LYPD6B: variants seen among roughly 807,000 people sequenced by gnomAD.
The protein encoded by LYPD6B is LY6/PLAUR domain containing 6B, also known as ly6/PLAUR domain-containing protein 6B.
A neutral mutation model predicts 22.8 loss-of-function variants in LYPD6B; 17 were observed. The observed-to-expected ratio is 0.75, with a 90% confidence interval of 0.51 to 1.12. The LOEUF (loss-of-function observed/expected upper bound fraction) is 1.12. LYPD6B is among the 50% of genes most tolerant of loss of function. The pLI, the probability that LYPD6B is intolerant of heterozygous loss-of-function variation, is 0.00. For synonymous variants in LYPD6B, 106 were observed against 91.6 expected, an observed-to-expected ratio of 1.16 and a Z score of -0.90; for missense variants, 221 against 258.3, an observed-to-expected ratio of 0.86 and a Z score of 0.99.
chr2:149,205,126 C>G (rs909076176), intron 3 of LYPD6B, 127 bp from the exon 4 acceptor site: 2 of 912,304 alleles, frequency 2.2e-6, no homozygotes, highest in African/African-American at 3.4e-5. Context: ...ACTCGCAGGT[C>G]CTGGCCCTAC....
intron 1 of LYPD6B, among the ~76,000 whole-genome samples, chr2:149,093,813 A>G (rs1408273836): frequency 6.6e-6 from 1 of 151,962 alleles, no homozygotes; most frequent in Non-Finnish European, 1.5e-5. Flanking sequence ...TTTTTTTCCA[A>G]TTTATGATGG....
At chr2:149,049,799 T>C (rs1683468399) in intron 1 of LYPD6B, among the ~76,000 whole-genome samples, 1 of 152,078 alleles carries the variant, frequency 6.6e-6, no homozygotes, top group Non-Finnish European at 1.5e-5. Flanking sequence ...AGGAAAGACT[T>C]GATTGGGGCC....
intron 1 of LYPD6B, among the ~76,000 whole-genome samples, chr2:149,061,060 G>T (rs1480775239): frequency 2.0e-5 from 3 of 152,076 alleles, no homozygotes; most frequent in Non-Finnish European, 4.4e-5. Context: ...TGCTAGTGTG[G>T]ATTTGGATCT....
Position 149,041,098 on chromosome 2 carries a change from CAAAAA to C in LYPD6B, c.-67+2313_-67+2317del, listed in dbSNP as rs552623435. Among the ~76,000 whole-genome samples, 277 of 110,786 alleles carry C rather than the reference CAAAAA, an allele frequency of 2.5e-3. 2 individuals are homozygous for C. The highest frequency in any genetic ancestry group is 2.6e-3 in the Non-Finnish European group (141 of 54,956). 72.7% of individuals were successfully genotyped at this position (110,786 alleles called of 152,430 possible). ...TGGGCAGCAGAGCAAGACTCCGTCT[CAAAAA>C]AAAAAAAAAAAAAAAGAAAATGAGA... On this transcript the variant is annotated intron_variant, in intron 1 of 6. Coordinates refer to ENST00000409642, the MANE Select transcript of LYPD6B (RefSeq NM_177964.5).
chr2:149,135,249 T>TA (rs36032140), intron 2 of LYPD6B, among the ~76,000 whole-genome samples: 2,095 of 136,786 alleles, frequency 0.015, 45 homozygotes, highest in African/African-American at 0.052. Context: ...TGTCTCAAAT[T>TA]AAAAAAAAAA....
intron 3 of LYPD6B, among the ~76,000 whole-genome samples, chr2:149,186,373 A>G (rs1029310493): frequency 6.6e-6 from 1 of 152,244 alleles, no homozygotes; most frequent in African/African-American, 2.4e-5. Context: ...ATCCAGAGCA[A>G]GGCCCTAGCT....
chr2:149,185,218 A>G (rs933385435), intron 3 of LYPD6B, among the ~76,000 whole-genome samples: 6 of 152,208 alleles, frequency 3.9e-5, no homozygotes, highest in Non-Finnish European at 8.8e-5. Context: ...CAGTGGACCA[A>G]TTAAAGAAAT....
At chr2:149,126,983 A>G (rs1687736406) in intron 1 of LYPD6B, among the ~76,000 whole-genome samples, 2 of 146,716 alleles carry the variant, frequency 1.4e-5, no homozygotes, top group South Asian at 2.1e-4. Context: ...CTATTCAGCT[A>G]TATAAATCTG....
At chr2:149,093,099 A>G (rs1685735592) in intron 1 of LYPD6B, among the ~76,000 whole-genome samples, 1 of 152,206 alleles carries the variant, frequency 6.6e-6, no homozygotes, top group Non-Finnish European at 1.5e-5. Context: ...ACCTGGAACA[A>G]GGCTGTCAGA....
chr2:149,154,848 C>T (rs1286943358), intron 2 of LYPD6B, among the ~76,000 whole-genome samples: 5 of 151,804 alleles, frequency 3.3e-5, no homozygotes, highest in South Asian at 4.2e-4. Context: ...TGCTAGGGAC[C>T]GAAAGAGATA....
At chr2:149,157,066 G>A (rs1258412610) in intron 2 of LYPD6B, among the ~76,000 whole-genome samples, 1 of 152,082 alleles carries the variant, frequency 6.6e-6, no homozygotes, top group African/African-American at 2.4e-5. Context: ...TATTACTGAT[G>A]TCCTGAGATG....
chr2:149,195,147 A>G (rs560490782), intron 3 of LYPD6B, among the ~76,000 whole-genome samples: 1 of 152,364 alleles, frequency 6.6e-6, no homozygotes, highest in South Asian at 2.1e-4. Flanking sequence ...AATATCTGCA[A>G]GCGTATGAGG....
chr2:149,191,293 A>ACT (rs1692473417), intron 3 of LYPD6B, among the ~76,000 whole-genome samples: 1 of 152,342 alleles, frequency 6.6e-6, no homozygotes, highest in Non-Finnish European at 1.5e-5. Flanking sequence ...AACTTAATTA[A>ACT]ATAATGTAAA....
At chr2:149,121,554 G>T (rs1396414014) in intron 1 of LYPD6B, among the ~76,000 whole-genome samples, 2 of 152,176 alleles carry the variant, frequency 1.3e-5, no homozygotes, top group African/African-American at 4.8e-5. Flanking sequence ...TGTGTGCAGG[G>T]TTAAAGAGCA....
chr2:149,151,890 C>T (rs1479219755), intron 2 of LYPD6B, among the ~76,000 whole-genome samples: 1 of 152,166 alleles, frequency 6.6e-6, no homozygotes, highest in African/African-American at 2.4e-5. Context: ...TTTCAAATTC[C>T]TTATTGTGAT....
intron 3 of LYPD6B, among the ~76,000 whole-genome samples, chr2:149,168,324 T>C (rs1378043395): frequency 2.0e-5 from 3 of 151,840 alleles, no homozygotes; most frequent in Non-Finnish European, 4.4e-5. Context: ...CATTTGCACA[T>C]GTGCCCGTCA....
intron 4 of LYPD6B, chr2:149,206,090 GT>G: frequency 2.2e-6 from 1 of 449,354 alleles, no homozygotes; most frequent in South Asian, 1.7e-5. Flanking sequence ...TGGTATACAT[GT>G]GGGTACCTGT....
intron 2 of LYPD6B, among the ~76,000 whole-genome samples, chr2:149,135,261 A>AAAAG (rs1290469278): frequency 6.6e-6 from 1 of 151,466 alleles, no homozygotes; most frequent in Non-Finnish European, 1.5e-5. Context: ...AAAAAAAAAA[A>AAAAG]AAAAATAGAT....
intron 3 of LYPD6B, among the ~76,000 whole-genome samples, chr2:149,169,933 C>T (rs1231361841): frequency 6.6e-6 from 1 of 152,116 alleles, no homozygotes; most frequent in Non-Finnish European, 1.5e-5. Context: ...ATTTTGGTTT[C>T]CACTGAATAA....
Sources: allele counts gnomAD v4.1 joint callset (sites outside exome capture counted in the v4.1 genomes callset), GRCh38; gene constraint gnomAD v4.1.1; transcripts MANE v1.5; gene names NCBI Gene and HGNC (gene_info 2026-07-23, HGNC 2026-07-21).